Variants in SLC37A1 observed in about 807,000 individuals in gnomAD.
The protein encoded by SLC37A1 is solute carrier family 37 member 1, also known as glucose-6-phosphate exchanger SLC37A1.
SLC37A1 carries 49 observed loss-of-function variants against 75.3 expected under a neutral mutation model. The ratio of observed to expected loss-of-function variants is 0.65; its 90% confidence interval spans 0.52 to 0.83. The LOEUF is 0.83. Ranked by LOEUF, SLC37A1 falls within the 40% of genes least tolerant of loss-of-function variation. The pLI is 0.00. For missense variants in SLC37A1, 566 were observed against 695.0 expected (o/e 0.81, Z 2.09); for synonymous variants, 268 against 292.1 (o/e 0.92, Z 0.84).
intron 17 of SLC37A1, among the ~76,000 whole-genome samples, chr21:42,574,016 C>CCTT (rs10660114): frequency 6.0e-4 from 7 of 11,646 alleles, no homozygotes; most frequent in South Asian, 3.9e-3. Flanking sequence ...ATCATGCACC[C>CCTT]GTGTTTTTAC....
chr21:42,561,850 C>T (rs1448592677), intron 11 of SLC37A1: 2 of 495,168 alleles, frequency 4.0e-6, no homozygotes, highest in Non-Finnish European at 7.2e-6. Context: ...TCAGAGGCCC[C>T]GCCCCTCCCT....
rs116907135 is a variant in SLC37A1, at chr21:42,564,017, G to A, written c.1135+140G>A. 5,273 of 834,536 alleles carry A rather than the reference G, an allele frequency of 6.3e-3. 35 individuals are homozygous for A. The highest frequency in any genetic ancestry group is 8.6e-3 in the Non-Finnish European group (4,464 of 518,172). The allele number at this position is 834,536 out of a possible 1,614,324, so 51.7% of individuals were successfully genotyped here. On this transcript the variant is annotated intron_variant, in intron 13 of 19. Coordinates refer to ENST00000352133, the MANE Select transcript of SLC37A1 (RefSeq NM_001320537.2). ...GGGCCCAGCCCAAGAGGGTCAGGCCGTCACCTGGGGGTGGTTTTATTGTCT... is the reference window on the plus strand; with the variant it reads ...GGGCCCAGCCCAAGAGGGTCAGGCCATCACCTGGGGGTGGTTTTATTGTCT...
intron 3 of SLC37A1, among the ~76,000 whole-genome samples, chr21:42,534,418 C>G (rs780458625): frequency 1.3e-5 from 2 of 152,118 alleles, no homozygotes; most frequent in African/African-American, 4.8e-5. Context: ...AAACTGCTCC[C>G]GAGGCTCGTC....
At chr21:42,556,892 T>A (rs562963139) in intron 10 of SLC37A1, among the ~76,000 whole-genome samples, 1 of 152,224 alleles carries the variant, frequency 6.6e-6, no homozygotes, top group East Asian at 1.9e-4. Flanking sequence ...TGAGTGGCTG[T>A]GAGCACAGGG....
At position 42,554,139 on chromosome 21, in the gene SLC37A1, T is replaced by C. The variant is rs113574676; in HGVS notation, c.846T>C (p.Pro282=). The C allele has an allele frequency of 4.7e-4, 758 of 1,612,816 alleles. 5 individuals carry two copies. The African/African-American group carries it at 9.0e-3, about 19-fold the overall frequency. ...KQILKSEKNK[P]LDPEMQCLLL... ...TCTTGAAGAGCGAAAAGAACAAGCC[T>C]CTGGTAAGTCACACACAACTTCCAC... Residue 282 remains proline, a synonymous_variant, in exon 10 of 20, where the codon CCT becomes CCC. Transcript: ENST00000352133.
Position 42,553,096 on chromosome 21 carries a change from C to T in SLC37A1, c.769-966C>T, listed in dbSNP as rs561949896. 3.9e-5 allele frequency among the ~76,000 whole-genome samples: 6 copies of T among 152,318 alleles called. No individual in the cohort carries two copies. The East Asian group carries it at 5.8e-4, about 15-fold the overall frequency. Reference sequence around the variant, plus strand: ...GGTGGGATCCAACTGTCCATCTGAACGGAGTTTAACCCATGCTCTGTCTTC... The same window carrying T: ...GGTGGGATCCAACTGTCCATCTGAATGGAGTTTAACCCATGCTCTGTCTTC... On this transcript the variant is annotated intron_variant, in intron 9 of 19. Coordinates refer to ENST00000352133, the MANE Select transcript of SLC37A1 (RefSeq NM_001320537.2).
chr21:42,524,872 C>T (rs891575215), intron 2 of SLC37A1, among the ~76,000 whole-genome samples: 2 of 152,122 alleles, frequency 1.3e-5, no homozygotes, highest in South Asian at 2.1e-4. Flanking sequence ...GTGACTGTGG[C>T]GGGCCCCAGG....
At chr21:42,525,551 C>G (rs964059007) in intron 2 of SLC37A1, among the ~76,000 whole-genome samples, 1 of 152,254 alleles carries the variant, frequency 6.6e-6, no homozygotes, top group African/African-American at 2.4e-5. Flanking sequence ...GAAAAGCAGT[C>G]TGGTTTTTCC....
intron 17 of SLC37A1, among the ~76,000 whole-genome samples, chr21:42,573,325 C>G (rs573142855): frequency 6.9e-4 from 72 of 104,464 alleles, no homozygotes; most frequent in Non-Finnish European, 1.3e-3. Flanking sequence ...CCACTGCGTT[C>G]CTCCTTCCTT....
In SLC37A1 at chr21:42,547,999, C is replaced by T. The variant is rs1053725908; in HGVS notation, c.768+859C>T. 1.3e-5 allele frequency among the ~76,000 whole-genome samples: 2 copies of T among 152,192 alleles called. No homozygotes were observed. Among genetic ancestry groups the T allele is most frequent in the African/African-American group, 2.4e-5 (1 of 41,454 alleles). ...TCTGGCCTCACCCTGCTGGGCCCGT[C>T]GCCCGCGTCTGACCCAATGCTTCCC... is the stretch of plus-strand genomic sequence containing the variant. On this transcript the variant is annotated intron_variant, in intron 9 of 19. Transcript: ENST00000352133. The surrounding 1 kb of genome is among the most constrained non-coding windows in gnomAD (Gnocchi z 6.1).
chr21:42,554,982 GTTTTTTTTTTTTT>G (rs57783969), intron 10 of SLC37A1, among the ~76,000 whole-genome samples: 1 of 116,598 alleles, frequency 8.6e-6, no homozygotes. Flanking sequence ...TTGGTTGGTT[GTTTTTTTTTTTTT>G]TTTTTTTTGA....
At chr21:42,526,002 G>A (rs570109710) in intron 3 of SLC37A1, 145 bp downstream of exon 3, 24 of 558,712 alleles carry the variant, frequency 4.3e-5, no homozygotes, top group African/African-American at 7.5e-5. Flanking sequence ...TTGGCTTTTC[G>A]GTTTCCCTTT....
chr21:42,512,982 A>T (rs1168068808), upstream of SLC37A1, among the ~76,000 whole-genome samples: 1 of 152,250 alleles, frequency 6.6e-6, no homozygotes, highest in East Asian at 1.9e-4. Context: ...CTGTTGGGAC[A>T]TTTACAGCCA....
intron 2 of SLC37A1, among the ~76,000 whole-genome samples, chr21:42,524,492 T>C (rs984903194): frequency 9.2e-5 from 14 of 152,374 alleles, no homozygotes; most frequent in African/African-American, 3.4e-4. Context: ...CCAGCGTCAC[T>C]GCCTTTTTCT....
chr21:42,505,137 A>G (rs1472280113), intron 2 of SLC37A1, among the ~76,000 whole-genome samples: 1 of 152,172 alleles, frequency 6.6e-6, no homozygotes. Context: ...TTTTAAAACC[A>G]CACATCTAAT....
Position 42,564,783 on chromosome 21 carries a change from C to T in SLC37A1, c.1211C>T (p.Ala404Val), listed in dbSNP as rs576076453. ...ACCTGCGGCCTGATGCTGCTGCTCGCGGCCCCCACGGTCAGCCGTGCTGCC... is the reference window on the plus strand; with the variant it reads ...ACCTGCGGCCTGATGCTGCTGCTCGTGGCCCCCACGGTCAGCCGTGCTGCC... ...ASTCGLMLLLAAPTLYIFSTV... is the reference protein window; with the variant it reads ...ASTCGLMLLLVAPTLYIFSTV... The change falls in exon 14 of 20, where the codon GCG becomes GTG. Residue 404 changes from alanine to valine, a missense_variant. Coordinates refer to ENST00000352133, the MANE Select transcript of SLC37A1 (RefSeq NM_001320537.2). 2.9e-5 allele frequency: 46 copies of T among 1,605,350 alleles called. No individual in the cohort carries two copies. The East Asian group carries it at 7.4e-4, about 26-fold the overall frequency.
chr21:42,546,166 G>A (rs150116416), intron 8 of SLC37A1, among the ~76,000 whole-genome samples: 71 of 152,330 alleles, frequency 4.7e-4, no homozygotes, highest in African/African-American at 1.6e-3. Flanking sequence ...CAGAGGTGGA[G>A]CGAGAAGCAG....
At chr21:42,540,166 A>G (rs2055240303) in intron 6 of SLC37A1, among the ~76,000 whole-genome samples, 1 of 152,244 alleles carries the variant, frequency 6.6e-6, no homozygotes, top group South Asian at 2.1e-4. Context: ...GGGAACTTAC[A>G]TACTGAGGGC....
Position 42,574,846 on chromosome 21 carries a change from G to C in SLC37A1, c.1452G>C (p.Gly484=). Residue 484 remains glycine (G), a synonymous_variant, in exon 18 of 20, where the codon GGG becomes GGC. Transcript: ENST00000352133. The part of the protein sequence containing the change: ...VGAALGPLLA[G]LLSPSGWSNV... ...CAGCCCTGGGCCCCCTGCTGGCTGG[G>C]CTCCTCTCCCCGTCCGGCTGGAGCA... 1.9e-6 allele frequency: 3 copies of C among 1,614,136 alleles called. No individual in the cohort carries two copies. The highest frequency in any genetic ancestry group is 2.5e-6 in the Non-Finnish European group (3 of 1,180,010).
Sources: allele counts gnomAD v4.1 joint callset (sites outside exome capture counted in the v4.1 genomes callset), GRCh38; gene constraint gnomAD v4.1.1; non-coding constraint Gnocchi (gnomAD v3.1); transcripts MANE v1.5; gene names NCBI Gene and HGNC (gene_info 2026-07-23, HGNC 2026-07-21).